The following POLK variants were observed in gnomAD, a reference collection of about 807,000 sequenced individuals.
POLK encodes polymerase (DNA directed) kappa.
A neutral mutation model predicts 94.0 loss-of-function variants in POLK; 76 were observed. The observed-to-expected ratio is 0.81, with a 90% CI of 0.67 to 0.98. The LOEUF is 0.98. Among genes scored for constraint, POLK ranks in the 50% least tolerant of loss-of-function variants. The pLI, the probability that POLK is intolerant of heterozygous loss-of-function variation, is 0.00. For missense variants in POLK, 954 were observed against 1,010.1 expected (o/e 0.94, Z 0.75); for synonymous variants, 349 against 325.4 (o/e 1.07, Z -0.78).
rs1174964188 is a variant in POLK at position 75,594,029 on chromosome 5, C to A, written c.1508C>A (p.Pro503His). 4.4e-6 allele frequency: 7 copies of A among 1,608,444 alleles called. No homozygotes were observed. In the African/African-American group the frequency reaches 6.7e-5, roughly 15 times the overall value. ...GAAATTGATGCTGATTTTCCACATC[C>A]CTTGAGATTAAGGCTTATGGGTATG... The change falls in exon 12 of 15, where the codon CCC becomes CAC. Residue 503 changes from proline (P) to histidine (H), a missense_variant. Physicochemically the swap from Pro to His is moderately conservative, Grantham distance 77. Coordinates refer to ENST00000241436, the Ensembl canonical transcript of POLK.
intron 3 of POLK, among the ~76,000 whole-genome samples, chr5:75,560,864 C>T (rs986190398): frequency 1.2e-4 from 19 of 152,120 alleles, no homozygotes; most frequent in Non-Finnish European, 2.9e-5. Context: ...TTTATGGCTG[C>T]GTAGTATTCC....
At chr5:75,585,577 A>G (rs1772426577) in intron 9 of POLK, among the ~76,000 whole-genome samples, 1 of 152,288 alleles carries the variant, frequency 6.6e-6, no homozygotes, top group Middle Eastern at 3.4e-3. Context: ...GGAGCCAGCC[A>G]TGCAAAGGCT....
At chr5:75,539,653 C>T (rs1769635675) in intron 1 of POLK, among the ~76,000 whole-genome samples, 1 of 151,976 alleles carries the variant, frequency 6.6e-6, no homozygotes, top group South Asian at 2.1e-4. Flanking sequence ...AGACAGGCGT[C>T]TTACTCTCTT....
chr5:75,597,474 T>A (rs772401048), intron 13 of POLK: 21 of 402,474 alleles, frequency 5.2e-5, no homozygotes, highest in Non-Finnish European at 8.3e-5. Context: ...GAAGGCACAG[T>A]GGTAAATTAA....
chr5:75,529,621 A>G (rs1420862982), intron 1 of POLK, among the ~76,000 whole-genome samples: 3 of 152,200 alleles, frequency 2.0e-5, no homozygotes, highest in Non-Finnish European at 4.4e-5. Context: ...AATTGTCTGT[A>G]CATGTTCAGT....
chr5:75,549,954 G>T (rs1770252232), intron 2 of POLK, among the ~76,000 whole-genome samples: 1 of 151,908 alleles, frequency 6.6e-6, no homozygotes, highest in Admixed American at 6.6e-5. Context: ...AATCTAAATA[G>T]ACCTATATAA....
intron 6 of POLK, among the ~76,000 whole-genome samples, chr5:75,579,360 TTTTTTTTTTA>T (rs1390967337): frequency 6.8e-6 from 1 of 147,690 alleles, no homozygotes; most frequent in East Asian, 1.9e-4. Context: ...ACAGTCTTTA[TTTTTTTTTTA>T]TTTTTTTTTA....
At chr5:75,563,280 G>C (rs1015349512) in intron 3 of POLK, among the ~76,000 whole-genome samples, 1 of 151,828 alleles carries the variant, frequency 6.6e-6, no homozygotes, top group Non-Finnish European at 1.5e-5. Context: ...GTCTGGTCCT[G>C]GACTTTTTTT....
Position 75,559,532 on chromosome 5 carries a change from T to G in POLK, c.255+6941T>G, listed in dbSNP as rs529250392. ...TTTTTTGTTTTGTTTTGTTTTTTTT[T>G]TTTTTTTTTTTTTTTTTTAGAGACA... On this transcript the variant is annotated intron_variant, in intron 3 of 14. Coordinates refer to ENST00000241436, the Ensembl canonical transcript of POLK. Among the ~76,000 whole-genome samples the G allele has an allele frequency of 5.1e-3, 672 of 132,978 alleles. 5 individuals are homozygous for G. Among genetic ancestry groups the G allele is most frequent in the Middle Eastern group, 0.033 (9 of 270 alleles). 87.2% of individuals were successfully genotyped at this position (132,978 alleles called of 152,430 possible). A position where few individuals can be genotyped will look rare whatever the true frequency, so the allele number is the denominator to read the frequency against.
rs189883153 is a variant in POLK, at chr5:75,515,099, C to T, written c.-14+3185C>T. On this transcript the variant is annotated intron_variant, in intron 1 of 14. Transcript: ENST00000241436. ...CACTAGCAAATATATGTTCCAATTA[C>T]GCATAAATAATTTAAATGATCTCTG... Among the ~76,000 whole-genome samples the T allele has an allele frequency of 2.2e-4, 33 of 152,224 alleles. No individual in the cohort carries two copies. The East Asian group carries it at 6.0e-3, about 28-fold the overall frequency.
chr5:75,571,801 T>C (rs1771614750), intron 4 of POLK, among the ~76,000 whole-genome samples: 1 of 152,216 alleles, frequency 6.6e-6, no homozygotes, highest in Non-Finnish European at 1.5e-5. Flanking sequence ...TGTAAAGTAT[T>C]GTGGCTGTGA....
chr5:75,597,803 G>A lies in POLK; in HGVS notation c.2528+14G>A, dbSNP rs937774647. 6 of 1,477,732 alleles carry A rather than the reference G, an allele frequency of 4.1e-6. No individual in the cohort carries two copies. Among genetic ancestry groups the A allele is most frequent in the Non-Finnish European group, 5.5e-6 (6 of 1,099,016 alleles). The allele number at this position is 1,477,732 out of a possible 1,614,324, so 91.5% of individuals were successfully genotyped here. A position where few individuals can be genotyped will look rare whatever the true frequency, so the allele number is the denominator to read the frequency against. ...AAGAACAAAAAGGTATGGCTAATTT[G>A]AGCTTTAATAAAGCTGGCTACAATA... On this transcript the variant is annotated intron_variant, in intron 14 of 14. Coordinates refer to ENST00000241436, the Ensembl canonical transcript of POLK.
rs556312308 is a variant in POLK at position 75,565,208 on chromosome 5, G to A, written c.256-4132G>A. On this transcript the variant is annotated intron_variant, in intron 3 of 14. Coordinates refer to ENST00000241436, the Ensembl canonical transcript of POLK. ...CTTGTGTATGCTTCCCGAAGTTCTT[G>A]TGCTGTGTTTTTCAGCTCCATCAGG... is the stretch of plus-strand genomic sequence containing the variant. 5.3e-5 allele frequency among the ~76,000 whole-genome samples: 8 copies of A among 152,200 alleles called. No individual in the cohort carries two copies. The South Asian group carries it at 1.7e-3, about 32-fold the overall frequency.
intron 3 of POLK, among the ~76,000 whole-genome samples, chr5:75,568,949 G>T (rs182563135): frequency 5.8e-4 from 88 of 152,200 alleles, no homozygotes; most frequent in South Asian, 2.7e-3. Flanking sequence ...AAAAGCAGTT[G>T]GATTAGATCA....
chr5:75,570,861 GT>G (rs960361933), intron 4 of POLK, among the ~76,000 whole-genome samples: 2 of 152,000 alleles, frequency 1.3e-5, no homozygotes, highest in Non-Finnish European at 2.9e-5. Context: ...TAATCTGTTT[GT>G]TTTTTTATCT....
At position 75,511,790 on chromosome 5, in the gene POLK, A is replaced by C. The variant is rs202137230; in HGVS notation, c.-138A>C. On this transcript the variant is annotated 5_prime_UTR_variant, in exon 1 of 15. Coordinates refer to ENST00000241436, the Ensembl canonical transcript of POLK. ...CTCTCCCGGGTGACGACGGGTAGAA[A>C]AGCAGGAGGAGCGGAGAAAGGAGAG... The C allele has an allele frequency of 2.2e-4, 344 of 1,551,408 alleles. 2 individuals carry two copies. The Middle Eastern group carries it at 2.3e-3, about 11-fold the overall frequency.
intron 11 of POLK, among the ~76,000 whole-genome samples, chr5:75,592,017 C>G (rs1437254134): frequency 6.6e-6 from 1 of 152,154 alleles, no homozygotes; most frequent in African/African-American, 2.4e-5. Flanking sequence ...ATCTAACTAC[C>G]CTCAGATGAG....
downstream of POLK, among the ~76,000 whole-genome samples, chr5:75,604,015 G>A (rs1474695696): frequency 6.6e-6 from 1 of 152,192 alleles, no homozygotes; most frequent in Non-Finnish European, 1.5e-5. Flanking sequence ...AGTATGAAGT[G>A]TATGGCCTGG....
intron 1 of POLK, among the ~76,000 whole-genome samples, chr5:75,521,282 C>A (rs921511800): frequency 2.0e-5 from 3 of 151,940 alleles, no homozygotes; most frequent in Admixed American, 6.6e-5. Flanking sequence ...AATCTTCATT[C>A]CTTTTTATTA....
Sources: allele counts gnomAD v4.1 joint callset (sites outside exome capture counted in the v4.1 genomes callset), GRCh38; gene constraint gnomAD v4.1.1; transcripts MANE v1.5; gene names NCBI Gene and HGNC (gene_info 2026-07-23, HGNC 2026-07-21).